Variants in ZNF438 observed in about 807,000 individuals in gnomAD.
ZNF438 encodes the protein zinc finger protein 438.
In ZNF438, 25 loss-of-function variants were observed where a neutral mutation model predicts 38.0. That is an observed-to-expected ratio of 0.66 (90% CI 0.48 to 0.92). ZNF438 has a LOEUF of 0.92. Ranked by LOEUF, ZNF438 falls within the 40% of genes least tolerant of loss-of-function variation. The pLI, the probability that ZNF438 is intolerant of heterozygous loss-of-function variation, is 0.00. For missense variants in ZNF438, 1,007 were observed against 999.6 expected (o/e 1.01, Z -0.10); for synonymous variants, 372 against 364.1 (o/e 1.02, Z -0.25).
At position 31,012,129 on chromosome 10, in the gene ZNF438, C is replaced by T. The variant is rs886478965; in HGVS notation, c.-192+19704G>A. On this transcript the variant is annotated intron_variant, in intron 1 of 5. Coordinates refer to ENST00000413025, the Ensembl canonical transcript of ZNF438. ...TGATCTCATTTTCTTTTTTTTTTTT[C>T]TTTTTTTTTTTGAGATGGAGTCTCG... 2.6e-3 allele frequency among the ~76,000 whole-genome samples: 336 copies of T among 130,522 alleles called. 1 individual carries two copies. The highest frequency in any genetic ancestry group is 5.8e-3 in the African/African-American group (210 of 35,930). 85.6% of individuals were successfully genotyped at this position (130,522 alleles called of 152,430 possible). A position where few individuals can be genotyped will look rare whatever the true frequency, so the allele number is the denominator to read the frequency against.
chr10:30,908,686 A>C (rs1406251160), intron 3 of ZNF438, among the ~76,000 whole-genome samples: 1 of 152,232 alleles, frequency 6.6e-6, no homozygotes, highest in Non-Finnish European at 1.5e-5. Flanking sequence ...ATACAAGTGC[A>C]CAGTGAAAAT....
intron 3 of ZNF438, among the ~76,000 whole-genome samples, chr10:30,890,953 G>A (rs555854763): frequency 3.3e-5 from 5 of 152,290 alleles, no homozygotes; most frequent in African/African-American, 1.2e-4. Context: ...CGCAATTCCA[G>A]GTTGAAAATT....
intron 2 of ZNF438, among the ~76,000 whole-genome samples, chr10:30,912,120 G>T (rs2043141399): frequency 6.6e-6 from 1 of 152,004 alleles, no homozygotes; most frequent in South Asian, 2.1e-4. Context: ...TCCAGCTATA[G>T]CTCACAGGCC....
exon 5 of ZNF438, chr10:30,849,772 A>G: frequency 6.2e-7 from 1 of 1,614,128 alleles, no homozygotes; most frequent in Non-Finnish European, 8.5e-7. Flanking sequence ...TCAGACTGCC[A>G]TGGGTGTTGG....
At chr10:30,995,410 T>C (rs2053944181) in intron 1 of ZNF438, among the ~76,000 whole-genome samples, 2 of 152,206 alleles carry the variant, frequency 1.3e-5, no homozygotes, top group African/African-American at 4.8e-5. Context: ...CCAGCAATAC[T>C]GTGTTTTTAA....
At chr10:30,916,908 A>C (rs1473895946) in intron 2 of ZNF438, among the ~76,000 whole-genome samples, 2 of 152,134 alleles carry the variant, frequency 1.3e-5, no homozygotes, top group Non-Finnish European at 2.9e-5. Context: ...GGGCAAGATA[A>C]GTTCAGGATG....
chr10:31,008,186 A>G (rs1422246779), intron 1 of ZNF438, among the ~76,000 whole-genome samples: 1 of 152,238 alleles, frequency 6.6e-6, no homozygotes, highest in Non-Finnish European at 1.5e-5. Context: ...CTTTTATTTA[A>G]TGGCCTTACA....
chr10:30,903,544 TTACTTACC>T (rs1389902024), intron 3 of ZNF438, among the ~76,000 whole-genome samples: 1 of 152,212 alleles, frequency 6.6e-6, no homozygotes, highest in African/African-American at 2.4e-5. Context: ...TCTACTTTCA[TTACTTACC>T]TAAAAATGAG....
intron 4 of ZNF438, among the ~76,000 whole-genome samples, chr10:30,867,946 A>G (rs2036734503): frequency 6.6e-6 from 1 of 152,170 alleles, no homozygotes; most frequent in Admixed American, 6.6e-5. Context: ...ACTTAAATTT[A>G]TATTTATGGA....
intron 1 of ZNF438, among the ~76,000 whole-genome samples, chr10:30,953,665 C>T (rs2048513213): frequency 1.0e-5 from 1 of 98,812 alleles, no homozygotes; most frequent in African/African-American, 5.8e-5. Context: ...CACACACACA[C>T]ACACAAAAAA....
At chr10:30,989,629 T>C (rs1412245879) in intron 1 of ZNF438, among the ~76,000 whole-genome samples, 3 of 152,192 alleles carry the variant, frequency 2.0e-5, no homozygotes, top group African/African-American at 4.8e-5. Flanking sequence ...CTAAATGTGA[T>C]TAAGGGGGCG....
At chr10:30,930,288 C>G (rs2045501135) in intron 2 of ZNF438, among the ~76,000 whole-genome samples, 1 of 152,122 alleles carries the variant, frequency 6.6e-6, no homozygotes, top group African/African-American at 2.4e-5. Flanking sequence ...GTTGGGGGAC[C>G]CGGTGCACCC....
At chr10:31,018,200 A>G (rs2056342983) in intron 1 of ZNF438, among the ~76,000 whole-genome samples, 1 of 152,158 alleles carries the variant, frequency 6.6e-6, no homozygotes, top group African/African-American at 2.4e-5. Flanking sequence ...TTTTTCCAAC[A>G]CTGCAATGCC....
At chr10:30,871,308 T>C (rs1047437237) in intron 4 of ZNF438, among the ~76,000 whole-genome samples, 1 of 152,154 alleles carries the variant, frequency 6.6e-6, no homozygotes, top group African/African-American at 2.4e-5. Context: ...TAGAATTCCA[T>C]CCACTTTGGT....
At chr10:31,006,972 G>C (rs2055201003) in intron 1 of ZNF438, among the ~76,000 whole-genome samples, 1 of 152,130 alleles carries the variant, frequency 6.6e-6, no homozygotes, top group Admixed American at 6.6e-5. Context: ...TATCCAGATG[G>C]GCCCAAAGTA....
intron 4 of ZNF438, among the ~76,000 whole-genome samples, chr10:30,856,337 C>A (rs980619273): frequency 6.6e-6 from 1 of 152,122 alleles, no homozygotes; most frequent in East Asian, 1.9e-4. Context: ...AGGCAATTTG[C>A]AATAAAGGCC....
intron 2 of ZNF438, among the ~76,000 whole-genome samples, chr10:30,914,248 T>C (rs1227107120): frequency 6.6e-6 from 1 of 152,062 alleles, no homozygotes; most frequent in African/African-American, 2.4e-5. Context: ...TTAAATAACA[T>C]TTTTAAAATG....
At chr10:30,938,807 T>C (rs972596031) in intron 2 of ZNF438, among the ~76,000 whole-genome samples, 9 of 151,976 alleles carry the variant, frequency 5.9e-5, no homozygotes, top group African/African-American at 1.9e-4. Context: ...ATTTATTTAT[T>C]TATTTTGAGA....
chr10:30,998,846 CT>C (rs1165708972), intron 1 of ZNF438, among the ~76,000 whole-genome samples: 1 of 152,058 alleles, frequency 6.6e-6, no homozygotes, highest in African/African-American at 2.4e-5. Flanking sequence ...GAATCCTTAA[CT>C]TTGAAGAACA....
Sources: gnomAD v4.1 joint callset for allele counts (sites outside exome capture counted in the v4.1 genomes callset) on GRCh38, gnomAD v4.1.1 for gene constraint, MANE v1.5 for transcripts, NCBI Gene and HGNC (gene_info 2026-07-23, HGNC 2026-07-21) for gene names.